Variants in DNAH17 observed in about 807,000 individuals in gnomAD.
DNAH17 encodes the protein axonemal beta dynein heavy chain 17.
A neutral mutation model predicts 485.6 loss-of-function variants in DNAH17; 376 were observed. The ratio of observed to expected loss-of-function variants is 0.77; its 90% CI spans 0.71 to 0.84. The LOEUF (loss-of-function observed/expected upper bound fraction) is 0.84. DNAH17 is among the 40% of genes least tolerant of loss of function. DNAH17 has a pLI of 0.00. For synonymous variants in DNAH17, 3,031 were observed against 2,405.9 expected (o/e 1.26, Z -7.60); for missense variants, 6,370 against 5,839.3 (o/e 1.09, Z -2.96).
intron 2 of DNAH17, among the ~76,000 whole-genome samples, chr17:78,573,960 A>C (rs954961912): frequency 6.6e-6 from 1 of 152,174 alleles, no homozygotes; most frequent in Non-Finnish European, 1.5e-5. Flanking sequence ...GCACCTGCCA[A>C]GGGGGACAGC....
At chr17:78,426,292 G>A (rs2086456334) in intron 79 of DNAH17, among the ~76,000 whole-genome samples, 165 bp downstream of exon 79, 1 of 152,226 alleles carries the variant, frequency 6.6e-6, no homozygotes, top group Non-Finnish European at 1.5e-5. Flanking sequence ...CTGTCAGGGT[G>A]TGGGAGGGGC....
At chr17:78,449,695 T>C in intron 68 of DNAH17, 111 bp from the exon 69 acceptor site, 4 of 1,142,882 alleles carry the variant, frequency 3.5e-6, no homozygotes, top group Non-Finnish European at 4.9e-6. Flanking sequence ...TTTGTTTCTT[T>C]GAGACAGAGT....
rs193127979 is a variant in DNAH17, at chr17:78,502,442, T to C, written c.5190+149A>G. 1.0e-5 allele frequency: 7 copies of C among 680,030 alleles called. No individual in the cohort carries two copies. In the Admixed American group the frequency reaches 2.2e-4, roughly 22 times the overall value. The allele number at this position is 680,030 out of a possible 1,614,324, so 42.1% of individuals were successfully genotyped here. A position where few individuals can be genotyped will look rare whatever the true frequency, so the allele number is the denominator to read the frequency against. On this transcript the variant is annotated intron_variant, in intron 33 of 80. Transcript: ENST00000389840. ...TGTGGTGCGTGGCTGTTATTTGGCC[T>C]GTGGAAACGACGGTTTTGCGGGGCT...
Position 78,471,873 on chromosome 17 carries a change from C to A in DNAH17, c.8512-2990G>T, listed in dbSNP as rs147264035. Among the ~76,000 whole-genome samples the A allele has an allele frequency of 8.5e-5, 13 of 152,316 alleles. 1 individual carries two copies. In the East Asian group the frequency reaches 2.1e-3, roughly 25 times the overall value. On this transcript the variant is annotated intron_variant, in intron 54 of 80. Coordinates refer to ENST00000389840, the MANE Select transcript of DNAH17 (RefSeq NM_173628.4). The stretch of plus-strand genomic sequence containing the variant: ...TCTCTACCCGCATCCTATCCCTGCA[C>A]TTCCCAGCCCCATGTGTCCCGCTGT...
chr17:78,549,894 C>T (rs889549861), intron 16 of DNAH17, among the ~76,000 whole-genome samples: 22 of 152,320 alleles, frequency 1.4e-4, no homozygotes, highest in African/African-American at 1.7e-4. Flanking sequence ...GGGGTTTGAA[C>T]GGCCTGGTTT....
intron 17 of DNAH17, among the ~76,000 whole-genome samples, chr17:78,542,379 G>C (rs9908939): frequency 0.77 from 116,321 of 151,950 alleles, 44,583 homozygotes; most frequent in African/African-American, 0.78. Flanking sequence ...AACTCCTGAC[G>C]TCAAGTGATC....
chr17:78,535,438 G>C (rs2143360240), intron 19 of DNAH17, among the ~76,000 whole-genome samples: 1 of 152,228 alleles, frequency 6.6e-6, no homozygotes, highest in East Asian at 1.9e-4. Flanking sequence ...GTCATTAGCT[G>C]TTCCCTCGTG....
chr17:78,560,674 A>G, intron 13 of DNAH17, 66 bp downstream of exon 13: 1 of 1,460,728 alleles, frequency 6.8e-7, no homozygotes, highest in South Asian at 1.4e-5. Context: ...GTGCTGAGGG[A>G]ACCTTGGCAG....
At chr17:78,550,827 G>A (rs893895906) in intron 16 of DNAH17, among the ~76,000 whole-genome samples, 3 of 152,206 alleles carry the variant, frequency 2.0e-5, no homozygotes, top group African/African-American at 4.8e-5. Context: ...TGTAGATGAG[G>A]TCAAAAGAAA....
chr17:78,506,179 C>G (rs1462924308), intron 30 of DNAH17, among the ~76,000 whole-genome samples: 1 of 132,184 alleles, frequency 7.6e-6, no homozygotes, highest in Non-Finnish European at 1.5e-5. Flanking sequence ...CTCACTCTGT[C>G]GCCCAGGCTG....
At chr17:78,508,045 C>A (rs1470590016) in intron 27 of DNAH17, among the ~76,000 whole-genome samples, 1 of 152,158 alleles carries the variant, frequency 6.6e-6, no homozygotes, top group Non-Finnish European at 1.5e-5. Flanking sequence ...AGTACAGACA[C>A]CTGCCACAAC....
intron 36 of DNAH17, chr17:78,499,988 T>G: frequency 1.5e-5 from 4 of 270,408 alleles, no homozygotes; most frequent in Non-Finnish European, 2.9e-5. Flanking sequence ...TGCTGAACCA[T>G]GAGGGAGGTG....
chr17:78,561,842 A>G lies in DNAH17; in HGVS notation c.1708T>C (p.Ser570Pro). The G allele has an allele frequency of 1.2e-6, 2 of 1,613,872 alleles. No homozygotes were observed. The highest frequency in any genetic ancestry group is 2.2e-5 in the South Asian group (2 of 91,064). The change falls in exon 12 of 81, where the codon TCC becomes CCC. Residue 570 changes from serine to proline, a missense_variant. Ser to Pro is a moderately conservative substitution (Grantham distance 74). Transcript: ENST00000389840. ...ATCAGGGGGATGTTCCCCTCCTCGG[A>G]GGCCGCCATCTGGGCATCGTACAAG... Reference protein sequence around the residue: ...KILYDAQMAASEEGNIPLIHK... With the variant: ...KILYDAQMAAPEEGNIPLIHK...
At chr17:78,461,763 G>T in intron 57 of DNAH17, 55 bp from the exon 58 acceptor site, 15 of 1,548,742 alleles carry the variant, frequency 9.7e-6, no homozygotes, top group South Asian at 1.2e-5. Flanking sequence ...GACACACGCC[G>T]CCCTGCACTG....
rs775801131 is a variant in DNAH17, at chr17:78,499,124, G to A, written c.5641-12C>T. ...ATATTTCCACAGGACTGGAAAGGGCGAGATGGAGAAAGGAAGAGCTGGGAG... is the reference window on the plus strand; with the variant it reads ...ATATTTCCACAGGACTGGAAAGGGCAAGATGGAGAAAGGAAGAGCTGGGAG... On this transcript the variant is annotated splice_polypyrimidine_tract_variant and intron_variant, in intron 36 of 80. Transcript: ENST00000389840. 18 of 1,555,508 alleles carry A rather than the reference G, an allele frequency of 1.2e-5. No homozygotes were observed. In the South Asian group the frequency reaches 1.4e-4, roughly 12 times the overall value.
At chr17:78,483,694 A>T (rs1479188496) in intron 48 of DNAH17, among the ~76,000 whole-genome samples, 1 of 152,146 alleles carries the variant, frequency 6.6e-6, no homozygotes, top group African/African-American at 2.4e-5. Context: ...CATGACCTCA[A>T]GTAGACTACC....
intron 38 of DNAH17, 43 bp downstream of exon 38, chr17:78,495,832 G>A (rs1049909200): frequency 6.3e-7 from 1 of 1,591,250 alleles, no homozygotes; most frequent in African/African-American, 1.3e-5. Flanking sequence ...GCTGTGGCCG[G>A]CCTGGCTCAC....
At chr17:78,500,089 A>G in intron 36 of DNAH17, 2 of 540,110 alleles carry the variant, frequency 3.7e-6, no homozygotes, top group Non-Finnish European at 6.5e-6. Context: ...GGGGCAGGAC[A>G]TTTGGGGCTG....
At chr17:78,531,945 G>C (rs1477046823) in intron 20 of DNAH17, among the ~76,000 whole-genome samples, 1 of 152,192 alleles carries the variant, frequency 6.6e-6, no homozygotes. Flanking sequence ...AGTCAATTTT[G>C]AGAGACAACA....
Sources: gnomAD v4.1 joint callset for allele counts (sites outside exome capture counted in the v4.1 genomes callset) on GRCh38, gnomAD v4.1.1 for gene constraint, MANE v1.5 for transcripts, NCBI Gene and HGNC (gene_info 2026-07-23, HGNC 2026-07-21) for gene names.